The following TMTC2 variants were observed in gnomAD, a reference collection of about 807,000 sequenced individuals.
TMTC2 encodes the protein transmembrane O-mannosyltransferase targeting cadherins 2.
TMTC2 carries 43 observed loss-of-function variants against 82.4 expected under a neutral mutation model. That is an observed-to-expected ratio of 0.52 (90% confidence interval 0.41 to 0.67). The LOEUF is 0.67. Ranked by LOEUF, TMTC2 falls within the 30% of genes least tolerant of loss-of-function variation. TMTC2 has a pLI of 0.00. For missense variants in TMTC2, 919 were observed against 1,012.4 expected (o/e 0.91, Z 1.25); for synonymous variants, 408 against 381.9 (o/e 1.07, Z -0.80).
intron 1 of TMTC2, among the ~76,000 whole-genome samples, chr12:82,718,675 G>T (rs1874015250): frequency 6.6e-6 from 1 of 152,110 alleles, no homozygotes; most frequent in South Asian, 2.1e-4. Flanking sequence ...TGCCTGCTAA[G>T]AATGAGCAAA....
intron 1 of TMTC2, among the ~76,000 whole-genome samples, chr12:82,704,419 A>AT (rs1290038271): frequency 1.3e-5 from 2 of 152,320 alleles, no homozygotes; most frequent in East Asian, 3.9e-4. Flanking sequence ...TTGGAAGCAC[A>AT]TATAAAAGTA....
intron 3 of TMTC2, among the ~76,000 whole-genome samples, chr12:82,929,814 G>C (rs976908210): frequency 1.3e-5 from 2 of 152,116 alleles, no homozygotes; most frequent in South Asian, 4.1e-4. Context: ...GGAGAACAAA[G>C]GGTACACAGA....
chr12:82,857,006 T>G lies in TMTC2; in HGVS notation c.84-4T>G. On this transcript the variant is annotated splice_polypyrimidine_tract_variant and splice_region_variant and intron_variant, in intron 1 of 11. Coordinates refer to ENST00000321196, the MANE Select transcript of TMTC2 (RefSeq NM_152588.3). Reference sequence around the variant, plus strand: ...TTGATTTTTTTTAACGTTTTGTTTTTTAGCCGTGCTATCAAGACTAATCAG... The same window carrying G: ...TTGATTTTTTTTAACGTTTTGTTTTGTAGCCGTGCTATCAAGACTAATCAG... 6.3e-7 allele frequency: 1 copy of G among 1,587,878 alleles called. No homozygotes were observed. The highest frequency in any genetic ancestry group is 8.6e-7 in the Non-Finnish European group (1 of 1,169,028).
At chr12:82,688,470 G>A (rs1277901988) in intron 1 of TMTC2, among the ~76,000 whole-genome samples, 1 of 152,208 alleles carries the variant, frequency 6.6e-6, no homozygotes, top group Non-Finnish European at 1.5e-5. Context: ...TCTGGAAAAT[G>A]TCACCGTTGT....
chr12:82,882,200 C>T (rs976439946), intron 2 of TMTC2, among the ~76,000 whole-genome samples: 6 of 151,194 alleles, frequency 4.0e-5, no homozygotes, highest in Non-Finnish European at 5.9e-5. Flanking sequence ...GGGGTTTCAC[C>T]GTTTTAGCCG....
chr12:83,110,028 A>G (rs1422994087), intron 11 of TMTC2, among the ~76,000 whole-genome samples: 1 of 152,124 alleles, frequency 6.6e-6, no homozygotes, highest in African/African-American at 2.4e-5. Flanking sequence ...CAACTCTTAA[A>G]GTTCTAGTAT....
Position 82,937,722 on chromosome 12 carries a change from GTGTGTGGA to G in TMTC2, c.1598+7184_1598+7191del, listed in dbSNP as rs1484687240. Among the ~76,000 whole-genome samples, 113 of 38,994 alleles carry G rather than the reference GTGTGTGGA, an allele frequency of 2.9e-3. No individual in the cohort carries two copies. In the Middle Eastern group the frequency reaches 0.062, roughly 22 times the overall value. 25.6% of individuals were successfully genotyped at this position (38,994 alleles called of 152,430 possible). On this transcript the variant is annotated intron_variant, in intron 4 of 11. Coordinates refer to ENST00000321196, the MANE Select transcript of TMTC2 (RefSeq NM_152588.3). ...CAATGGTGTGTGTGTGTGTGTGTGT[GTGTGTGGA>G]TGTGTGTGTGTGTGTGTGTGTATAT...
intron 1 of TMTC2, among the ~76,000 whole-genome samples, chr12:82,819,694 G>A (rs918861385): frequency 6.6e-6 from 1 of 151,494 alleles, no homozygotes; most frequent in Non-Finnish European, 1.5e-5. Flanking sequence ...GTAGAGACGG[G>A]GTTTCACCAT....
intron 1 of TMTC2, among the ~76,000 whole-genome samples, chr12:82,780,633 A>G (rs1186453131): frequency 1.3e-5 from 2 of 152,144 alleles, no homozygotes; most frequent in Admixed American, 6.5e-5. Flanking sequence ...GTGCTTTAAA[A>G]AGTCTCTTCA....
chr12:82,872,928 T>C (rs1872275494), intron 2 of TMTC2, among the ~76,000 whole-genome samples: 1 of 152,130 alleles, frequency 6.6e-6, no homozygotes, highest in South Asian at 2.1e-4. Flanking sequence ...ATGGCAACAC[T>C]TCACAATAAG....
At chr12:82,883,814 G>C (rs1872956318) in intron 2 of TMTC2, among the ~76,000 whole-genome samples, 1 of 152,152 alleles carries the variant, frequency 6.6e-6, no homozygotes, top group Admixed American at 6.5e-5. Flanking sequence ...TTAAAGAACA[G>C]GGAAAGGAGT....
chr12:83,003,601 C>T (rs10862542), intron 8 of TMTC2, among the ~76,000 whole-genome samples: 116,484 of 152,048 alleles, frequency 0.77, 46,157 homozygotes, highest in South Asian at 0.93. Context: ...TCTTTTAATG[C>T]TGGTCTAGTG....
In TMTC2 at chr12:82,896,627, A is replaced by G. The variant is rs759008702; in HGVS notation, c.1464A>G (p.Ile488Met). Residue 488 changes from isoleucine (I) to methionine (M), a missense_variant, in exon 3 of 12, where the codon ATA becomes ATG. Ile to Met is a conservative substitution (Grantham distance 10). Coordinates refer to ENST00000321196, the MANE Select transcript of TMTC2 (RefSeq NM_152588.3). ...QNEEMLYRSG[I>M]KVNPAKAWGN... ...AGGAAATGCTTTATAGATCAGGGAT[A>G]AAAGTAAACCCAGCTAAAGGTAATC... 1.9e-5 allele frequency: 30 copies of G among 1,607,278 alleles called. No homozygotes were observed. Among genetic ancestry groups the G allele is most frequent in the Non-Finnish European group, 2.5e-5 (29 of 1,177,770 alleles).
intron 8 of TMTC2, among the ~76,000 whole-genome samples, chr12:82,988,293 T>C (rs1170174742): frequency 6.6e-6 from 1 of 152,070 alleles, no homozygotes; most frequent in Non-Finnish European, 1.5e-5. Flanking sequence ...AAATAAACTT[T>C]GGAATGGGAT....
At chr12:82,845,252 A>AATATATATATATATATAT (rs1555190263) in intron 1 of TMTC2, among the ~76,000 whole-genome samples, 3 of 38,808 alleles carry the variant, frequency 7.7e-5, no homozygotes, top group African/African-American at 3.1e-4. Flanking sequence ...AAAAAAAAAA[A>AATATATATATATATATAT]ATATATATAT....
chr12:83,101,447 C>T (rs928421419), intron 11 of TMTC2, among the ~76,000 whole-genome samples: 1 of 152,146 alleles, frequency 6.6e-6, no homozygotes, highest in Non-Finnish European at 1.5e-5. Flanking sequence ...CTCTCAGTAA[C>T]TCTGTCTGCC....
chr12:82,688,662 C>T (rs969584253), intron 1 of TMTC2, among the ~76,000 whole-genome samples: 5 of 152,126 alleles, frequency 3.3e-5, no homozygotes, highest in African/African-American at 4.8e-5. Flanking sequence ...ACTTATTAAC[C>T]GTCCTGGGGT....
At chr12:83,045,727 G>GCACACACACACACACACACA (rs71068972) in intron 9 of TMTC2, among the ~76,000 whole-genome samples, 2 of 142,452 alleles carry the variant, frequency 1.4e-5, no homozygotes, top group South Asian at 2.3e-4. Flanking sequence ...ACACACACAC[G>GCACACACACACACACACACA]CACACACACA....
At chr12:83,103,488 G>A (rs1048760721) in intron 11 of TMTC2, among the ~76,000 whole-genome samples, 9 of 152,130 alleles carry the variant, frequency 5.9e-5, no homozygotes, top group Non-Finnish European at 1.0e-4. Context: ...AGGAGCAGGA[G>A]AGAGTGAGAG....
Sources: gnomAD v4.1 joint callset for allele counts (sites outside exome capture counted in the v4.1 genomes callset) on GRCh38, gnomAD v4.1.1 for gene constraint, MANE v1.5 for transcripts, NCBI Gene and HGNC (gene_info 2026-07-23, HGNC 2026-07-21) for gene names.